SMYD3: variants seen among roughly 807,000 people sequenced by gnomAD.
The protein encoded by SMYD3 is SET and MYND domain containing 3.
SMYD3 carries 36 observed loss-of-function variants against 57.7 expected under a neutral mutation model. The observed-to-expected ratio is 0.62, with a 90% CI of 0.48 to 0.82. The LOEUF (loss-of-function observed/expected upper bound fraction) is 0.82, where lower values mean the gene tolerates loss of function less well. SMYD3 is among the 40% of genes least tolerant of loss of function. The pLI, the probability that SMYD3 is intolerant of heterozygous loss-of-function variation, is 0.00. For synonymous variants in SMYD3, 211 were observed against 195.0 expected (o/e 1.08, Z -0.68); for missense variants, 515 against 538.8 (o/e 0.96, Z 0.44).
chr1:246,200,395 C>G (rs919090845), intron 5 of SMYD3, among the ~76,000 whole-genome samples: 1 of 149,538 alleles, frequency 6.7e-6, no homozygotes, highest in African/African-American at 2.5e-5. Context: ...ACAGCGCAGA[C>G]GCTGAGCAAG....
intron 5 of SMYD3, among the ~76,000 whole-genome samples, chr1:246,137,554 T>C (rs1010228921): frequency 2.6e-5 from 4 of 152,182 alleles, no homozygotes; most frequent in Admixed American, 6.5e-5. Flanking sequence ...GGTTTCCCAA[T>C]TGCAAAAGTT....
intron 1 of SMYD3, among the ~76,000 whole-genome samples, chr1:246,436,563 A>G (rs976232766): frequency 1.3e-5 from 2 of 152,194 alleles, no homozygotes; most frequent in African/African-American, 4.8e-5. Flanking sequence ...CCGATCTGTC[A>G]TAATTCCTAA....
At chr1:246,495,672 G>A (rs1455979464) in intron 1 of SMYD3, among the ~76,000 whole-genome samples, 1 of 152,118 alleles carries the variant, frequency 6.6e-6, no homozygotes, top group African/African-American at 2.4e-5. Flanking sequence ...CCATGCGAGT[G>A]ACTCACACCT....
intron 5 of SMYD3, among the ~76,000 whole-genome samples, chr1:246,279,519 CAAAACA>C (rs958397236): frequency 6.6e-6 from 1 of 151,780 alleles, no homozygotes; most frequent in East Asian, 1.9e-4. Flanking sequence ...GACTCCTTCT[CAAAACA>C]AAAACAAAAA....
At chr1:246,379,081 T>TACACACACAC (rs34560740) in intron 1 of SMYD3, among the ~76,000 whole-genome samples, 9,829 of 130,192 alleles carry the variant, frequency 0.075, 616 homozygotes, top group East Asian at 0.23. Context: ...CACACATACA[T>TACACACACAC]ACACACACAC....
At chr1:246,107,100 C>CCATCCTGGCCAA (rs371948645) in intron 5 of SMYD3, among the ~76,000 whole-genome samples, 11 of 140,068 alleles carry the variant, frequency 7.9e-5, no homozygotes, top group African/African-American at 3.0e-4. Context: ...GAGATCGAGA[C>CCATCCTGGCCAA]CACGGTGAAA....
chr1:246,020,559 T>C (rs930351284), intron 5 of SMYD3, among the ~76,000 whole-genome samples: 4 of 152,166 alleles, frequency 2.6e-5, no homozygotes, highest in Non-Finnish European at 4.4e-5. Flanking sequence ...GCTGTTAGAA[T>C]AGCAAAATAA....
At chr1:246,131,650 A>C (rs12731586) in intron 5 of SMYD3, among the ~76,000 whole-genome samples, 8,609 of 152,198 alleles carry the variant, frequency 0.057, 314 homozygotes, top group Non-Finnish European at 0.07. Context: ...TCTTTTGTCT[A>C]TTGAAATATT....
chr1:245,914,767 T>C (rs1244697299), intron 8 of SMYD3, among the ~76,000 whole-genome samples: 1 of 152,178 alleles, frequency 6.6e-6, no homozygotes, highest in African/African-American at 2.4e-5. Context: ...CATAAAGAAA[T>C]GATAAATATA....
At chr1:246,010,902 T>C (rs1345318746) in intron 5 of SMYD3, among the ~76,000 whole-genome samples, 2 of 152,218 alleles carry the variant, frequency 1.3e-5, no homozygotes, top group African/African-American at 4.8e-5. Context: ...TTATCCTAGT[T>C]TGACAGTCTC....
At chr1:246,204,374 C>T (rs939135507) in intron 5 of SMYD3, among the ~76,000 whole-genome samples, 4 of 152,202 alleles carry the variant, frequency 2.6e-5, no homozygotes, top group African/African-American at 4.8e-5. Context: ...ACCTGCCATG[C>T]TTCCCTTCTC....
rs1223395864 is a variant in SMYD3 at position 246,202,785 on chromosome 1, C to G, written c.531+124416G>C. 6.6e-6 allele frequency among the ~76,000 whole-genome samples: 1 copy of G among 152,082 alleles called. No individual in the cohort carries two copies. Among genetic ancestry groups the G allele is most frequent in the Non-Finnish European group, 1.5e-5 (1 of 68,016 alleles). On this transcript the variant is annotated intron_variant, in intron 5 of 11. Coordinates refer to ENST00000490107, the MANE Select transcript of SMYD3 (RefSeq NM_001167740.2). This position sits in a 1 kb window ranked among gnomAD's most constrained non-coding sequence, Gnocchi z 4.1. ...GGCTAGTGAGAGAATATGGTGATAC[C>G]ACAGTAACAAATCCAACCCAATCAC...
At chr1:246,294,889 G>A (rs111597113) in intron 5 of SMYD3, among the ~76,000 whole-genome samples, 24 of 152,240 alleles carry the variant, frequency 1.6e-4, no homozygotes, top group African/African-American at 5.3e-4. Flanking sequence ...ATGAGCCATC[G>A]TGCCCGACCC....
At chr1:246,060,230 G>C (rs1218720594) in intron 5 of SMYD3, among the ~76,000 whole-genome samples, 1 of 152,042 alleles carries the variant, frequency 6.6e-6, no homozygotes, top group East Asian at 1.9e-4. Flanking sequence ...TGAGGCTACA[G>C]TGAGCCACGA....
intron 5 of SMYD3, among the ~76,000 whole-genome samples, chr1:246,116,625 C>G (rs1572052250): frequency 6.6e-6 from 1 of 152,302 alleles, no homozygotes; most frequent in East Asian, 1.9e-4. Flanking sequence ...CTCAGCTATG[C>G]TATCTTACTG....
intron 5 of SMYD3, among the ~76,000 whole-genome samples, chr1:245,950,543 G>A (rs2057592973): frequency 6.6e-6 from 1 of 152,146 alleles, no homozygotes; most frequent in African/African-American, 2.4e-5. Flanking sequence ...GGCTCGCTCT[G>A]GCCTTCTTGA....
chr1:245,793,088 T>C (rs1281756731), intron 10 of SMYD3, among the ~76,000 whole-genome samples: 51 of 42,190 alleles, frequency 1.2e-3, no homozygotes, highest in African/African-American at 4.5e-3. Context: ...AGGCGGGTGA[T>C]CACGAAATCA....
rs7527093 is a variant in SMYD3, at chr1:246,071,307, T to C, written c.532-141370A>G. Among the ~76,000 whole-genome samples, 1,202 of 152,224 alleles carry C rather than the reference T, an allele frequency of 7.9e-3. 19 individuals are homozygous for C. Among genetic ancestry groups the C allele is most frequent in the African/African-American group, 0.028 (1,153 of 41,528 alleles). Reference sequence around the variant, plus strand: ...AGGTGAGGTGCCAAAATGCCAGCAGTGGCTACTTCTAGGAAGGAGGGTAGG... The same window carrying C: ...AGGTGAGGTGCCAAAATGCCAGCAGCGGCTACTTCTAGGAAGGAGGGTAGG... On this transcript the variant is annotated intron_variant, in intron 5 of 11. Coordinates refer to ENST00000490107, the MANE Select transcript of SMYD3 (RefSeq NM_001167740.2).
intron 10 of SMYD3, among the ~76,000 whole-genome samples, chr1:245,820,867 T>C (rs573101595): frequency 3.3e-5 from 5 of 151,450 alleles, no homozygotes; most frequent in African/African-American, 9.7e-5. Context: ...CAAGGAGAAC[T>C]ACAAACCACT....
Sources: gnomAD v4.1 joint callset for allele counts (sites outside exome capture counted in the v4.1 genomes callset) on GRCh38, gnomAD v4.1.1 for gene constraint, Gnocchi (gnomAD v3.1) non-coding constraint, MANE v1.5 for transcripts, NCBI Gene and HGNC (gene_info 2026-07-23, HGNC 2026-07-21) for gene names.